The following SORBS2 variants were observed in gnomAD, a reference collection of about 807,000 sequenced individuals.
SORBS2 encodes sorbin and SH3 domain containing 2.
Under a neutral mutation model 97.7 loss-of-function variants are expected in SORBS2, and 46 were observed. That is an observed-to-expected ratio of 0.47 (90% CI 0.37 to 0.60). The LOEUF is 0.60. SORBS2 is among the 20% of genes least tolerant of loss of function. The pLI, the probability that SORBS2 is intolerant of heterozygous loss-of-function variation, is 0.00. For missense variants in SORBS2, 1,316 were observed against 1,282.3 expected (o/e 1.03, Z -0.40); for synonymous variants, 476 against 473.4 (o/e 1.01, Z -0.07).
chr4:185,717,041 C>G (rs73015570), intron 2 of SORBS2, among the ~76,000 whole-genome samples: 1 of 152,110 alleles, frequency 6.6e-6, no homozygotes, highest in East Asian at 1.9e-4. Flanking sequence ...TAAAACTGTC[C>G]GAGCTTAGGA....
At chr4:185,667,977 C>T (rs531847113) in intron 4 of SORBS2, among the ~76,000 whole-genome samples, 25 of 152,046 alleles carry the variant, frequency 1.6e-4, no homozygotes, top group African/African-American at 5.3e-4. Context: ...TGAAATTTCC[C>T]CTAATAATTC....
At chr4:185,681,308 G>T (rs2153504267) in intron 2 of SORBS2, among the ~76,000 whole-genome samples, 1 of 151,852 alleles carries the variant, frequency 6.6e-6, no homozygotes, top group South Asian at 2.1e-4. Flanking sequence ...TTTTATCCCT[G>T]CAGGAAAGAC....
intron 2 of SORBS2, among the ~76,000 whole-genome samples, chr4:185,727,284 C>G (rs918356929): frequency 8.5e-5 from 13 of 152,156 alleles, no homozygotes; most frequent in Admixed American, 6.5e-4. Flanking sequence ...TATTAACGAC[C>G]CTATTGCTTA....
chr4:185,749,879 T>C (rs1279039681), intron 2 of SORBS2, among the ~76,000 whole-genome samples: 2 of 152,124 alleles, frequency 1.3e-5, no homozygotes, highest in African/African-American at 4.8e-5. Context: ...AAATGAGAAG[T>C]TATTCTTTGG....
intron 2 of SORBS2, chr4:185,651,813 A>C: frequency 6.7e-7 from 1 of 1,495,156 alleles, no homozygotes; most frequent in Non-Finnish European, 9.3e-7. Context: ...AGTATTATAC[A>C]TGTCTGTGTC....
At chr4:185,895,819 G>A (rs1404197140) in intron 1 of SORBS2, among the ~76,000 whole-genome samples, 2 of 152,188 alleles carry the variant, frequency 1.3e-5, no homozygotes, top group African/African-American at 4.8e-5. Flanking sequence ...TTTCCTGAAA[G>A]AATTTAATTT....
intron 1 of SORBS2, among the ~76,000 whole-genome samples, chr4:185,896,438 G>T (rs1255022921): frequency 1.3e-5 from 2 of 152,140 alleles, no homozygotes; most frequent in Non-Finnish European, 2.9e-5. Flanking sequence ...GCAAAAATTA[G>T]CTGGGTTTGT....
rs2096777536 is a variant in SORBS2 at position 185,624,547 on chromosome 4, G to A, written c.635-53C>T. The A allele has an allele frequency of 5.9e-6, 9 of 1,527,486 alleles. No individual in the cohort carries two copies. In the South Asian group the frequency reaches 8.8e-5, roughly 15 times the overall value. The allele number at this position is 1,527,486 out of a possible 1,614,324, so 94.6% of individuals were successfully genotyped here. A position where few individuals can be genotyped will look rare whatever the true frequency, so the allele number is the denominator to read the frequency against. On this transcript the variant is annotated intron_variant, in intron 6 of 14. Coordinates refer to ENST00000418609, the Ensembl canonical transcript of SORBS2. The stretch of plus-strand genomic sequence containing the variant: ...GAGAGACATTTGGAGAAGTTAAAAG[G>A]TTCACAAAGAGAGGAGAGCATGTCA...
intron 2 of SORBS2, among the ~76,000 whole-genome samples, chr4:185,688,289 G>A (rs530055138): frequency 1.3e-5 from 2 of 151,896 alleles, no homozygotes; most frequent in African/African-American, 4.8e-5. Flanking sequence ...TTTTAGCCGT[G>A]GTGACCAACA....
intron 7 of SORBS2, among the ~76,000 whole-genome samples, chr4:185,621,609 G>C (rs2096721062): frequency 6.7e-6 from 1 of 149,030 alleles, no homozygotes; most frequent in African/African-American, 2.5e-5. Context: ...TGTTGCTTCA[G>C]CCTAAGGGTA....
At chr4:185,948,510 A>ATTTTTTTTT (rs34637572) in intron 1 of SORBS2, among the ~76,000 whole-genome samples, 3 of 87,766 alleles carry the variant, frequency 3.4e-5, no homozygotes, top group Non-Finnish European at 4.1e-5. Flanking sequence ...ATGAATTTCA[A>ATTTTTTTTT]TTTTTTTTTT....
intron 1 of SORBS2, among the ~76,000 whole-genome samples, chr4:185,800,532 G>A (rs1255882689): frequency 2.0e-5 from 3 of 152,060 alleles, no homozygotes; most frequent in African/African-American, 7.2e-5. Context: ...CGGTCCCTGG[G>A]CCTATCTCTT....
chr4:185,928,750 G>A (rs918124263), intron 1 of SORBS2, among the ~76,000 whole-genome samples: 1 of 152,148 alleles, frequency 6.6e-6, no homozygotes, highest in Non-Finnish European at 1.5e-5. Context: ...GTTTCACCGT[G>A]TTAGCCAGGA....
chr4:185,900,225 G>C (rs1228611787), intron 1 of SORBS2, among the ~76,000 whole-genome samples: 1 of 152,170 alleles, frequency 6.6e-6, no homozygotes, highest in Admixed American at 6.5e-5. Context: ...GAAGTACATA[G>C]GACAAATAAG....
intron 2 of SORBS2, among the ~76,000 whole-genome samples, chr4:185,711,326 C>A (rs2098419052): frequency 6.6e-6 from 1 of 152,138 alleles, no homozygotes; most frequent in African/African-American, 2.4e-5. Context: ...ATTTTACAAC[C>A]AATTTCATGC....
exon 1 of SORBS2, chr4:185,656,890 T>C: frequency 8.7e-6 from 11 of 1,267,590 alleles, no homozygotes; most frequent in Non-Finnish European, 1.1e-5. Flanking sequence ...TTAAAATGTG[T>C]ATTTTTCTTC....
rs185323716 is a variant in SORBS2, at chr4:185,675,264, C to A, written c.-46+3159G>T. ...TGAGTCCAATGACTGATATGTGTTCCTATGACTTCTCCTACACCTGCTTCC... is the reference window on the plus strand; with the variant it reads ...TGAGTCCAATGACTGATATGTGTTCATATGACTTCTCCTACACCTGCTTCC... On this transcript the variant is annotated intron_variant, in intron 4 of 20. Coordinates refer to the SORBS2 transcript ENST00000284776. 5.0e-3 allele frequency: 757 copies of A among 152,464 alleles called. 4 individuals are homozygous for A. Among genetic ancestry groups the A allele is most frequent in the South Asian group, 0.011 (54 of 4,824 alleles). 9.4% of individuals were successfully genotyped at this position (152,464 alleles called of 1,614,324 possible).
chr4:185,743,464 G>T (rs114449390), intron 2 of SORBS2, among the ~76,000 whole-genome samples: 2 of 152,172 alleles, frequency 1.3e-5, no homozygotes, highest in Non-Finnish European at 2.9e-5. Flanking sequence ...GCTGAGTTTC[G>T]TGATGGCTTC....
At chr4:185,906,614 G>A (rs1289699370) in intron 1 of SORBS2, among the ~76,000 whole-genome samples, 19 of 152,128 alleles carry the variant, frequency 1.2e-4, no homozygotes, top group Non-Finnish European at 2.8e-4. Context: ...ACCTAACGCA[G>A]CACTCTACAA....
Sources: gnomAD v4.1 joint callset for allele counts (sites outside exome capture counted in the v4.1 genomes callset) on GRCh38, gnomAD v4.1.1 for gene constraint, MANE v1.5 for transcripts, NCBI Gene and HGNC (gene_info 2026-07-23, HGNC 2026-07-21) for gene names.